Variants in STX18 observed in about 807,000 individuals in gnomAD.
STX18 encodes syntaxin 18.
STX18 carries 40 observed loss-of-function variants against 50.1 expected under a neutral mutation model. The ratio of observed to expected loss-of-function variants is 0.80; its 90% CI spans 0.62 to 1.04. The LOEUF is 1.04. Ranked by LOEUF, STX18 falls within the 50% of genes least tolerant of loss-of-function variation. The pLI is 0.00. For missense variants in STX18, 410 were observed against 415.8 expected (o/e 0.99, Z 0.12); for synonymous variants, 158 against 151.8 (o/e 1.04, Z -0.30).
intron 2 of STX18, among the ~76,000 whole-genome samples, chr4:4,464,843 T>G (rs1327181081): frequency 1.3e-5 from 2 of 152,236 alleles, no homozygotes; most frequent in African/African-American, 4.8e-5. Context: ...ATTAATTTTT[T>G]GCAAAAACCT....
rs771974604 is a variant in STX18 at position 4,541,796 on chromosome 4, C to T, written c.168+1G>A. On this transcript the variant is annotated splice_donor_variant, in intron 1 of 10. Coordinates refer to ENST00000306200, the MANE Select transcript of STX18 (RefSeq NM_016930.4). LOFTEE classifies it high-confidence loss of function. ...CGCCGTTTCCATAGCAACCAGCTCA[C>T]CACTTCGCGGGCCCGGCTGGAGAAG... The T allele has an allele frequency of 6.2e-7, 1 of 1,607,080 alleles. No homozygotes were observed. Among genetic ancestry groups the T allele is most frequent in the Non-Finnish European group, 8.5e-7 (1 of 1,176,632 alleles).
chr4:4,517,094 C>T (rs891642126), intron 1 of STX18, among the ~76,000 whole-genome samples: 5 of 152,162 alleles, frequency 3.3e-5, no homozygotes, highest in African/African-American at 9.7e-5. Context: ...GATTTGGTCA[C>T]GGGAGCTCCC....
chr4:4,427,163 C>G (rs55763851), intron 7 of STX18, among the ~76,000 whole-genome samples: 3 of 152,064 alleles, frequency 2.0e-5, no homozygotes, highest in Non-Finnish European at 4.4e-5. Context: ...GACAGAACAC[C>G]AGTTCTCGGC....
intron 1 of STX18, chr4:4,478,562 T>C (rs1728308986): frequency 6.6e-6 from 1 of 152,236 alleles, no homozygotes; most frequent in Non-Finnish European, 1.5e-5. Flanking sequence ...AGGAAAAGAC[T>C]CTGTGGGGGG....
rs565348876 is a variant in STX18, at chr4:4,444,842, C to T, written c.498-6333G>A. Among the ~76,000 whole-genome samples, 30 of 135,962 alleles carry T rather than the reference C, an allele frequency of 2.2e-4. No homozygotes were observed. The South Asian group carries it at 6.0e-3, about 27-fold the overall frequency. The allele number at this position is 135,962 out of a possible 152,430, so 89.2% of individuals were successfully genotyped here. A position where few individuals can be genotyped will look rare whatever the true frequency, so the allele number is the denominator to read the frequency against. On this transcript the variant is annotated intron_variant, in intron 5 of 10. Transcript: ENST00000306200. The stretch of plus-strand genomic sequence containing the variant: ...ACAAACTAACAAACAAATAAACAAA[C>T]ATGGGTGCGCTGGGTGCAGTGGCTC...
intron 5 of STX18, among the ~76,000 whole-genome samples, chr4:4,440,226 C>T (rs1253766823): frequency 6.6e-6 from 1 of 152,172 alleles, no homozygotes; most frequent in African/African-American, 2.4e-5. Flanking sequence ...AATGTAAATG[C>T]ATATTAGGGT....
intron 2 of STX18, among the ~76,000 whole-genome samples, chr4:4,466,630 A>G (rs1235617172): frequency 1.3e-5 from 2 of 152,166 alleles, no homozygotes; most frequent in African/African-American, 4.8e-5. Flanking sequence ...GGCAGCATGC[A>G]TGGGAATGGT....
intron 1 of STX18, among the ~76,000 whole-genome samples, chr4:4,535,052 G>C (rs1391305219): frequency 6.6e-6 from 1 of 152,188 alleles, no homozygotes; most frequent in Admixed American, 6.5e-5. Context: ...CCCTACTGTT[G>C]TGTGCCACTG....
chr4:4,425,372 A>C (rs781043087), intron 7 of STX18, 150 bp from the exon 8 acceptor site: 15 of 683,564 alleles, frequency 2.2e-5, no homozygotes, highest in Non-Finnish European at 3.4e-5. Context: ...GACCGTTAGC[A>C]TTAGTGTGAA....
At chr4:4,457,938 T>G (rs1171372753) in intron 3 of STX18, among the ~76,000 whole-genome samples, 1 of 152,166 alleles carries the variant, frequency 6.6e-6, no homozygotes, top group African/African-American at 2.4e-5. Flanking sequence ...AAGGGTCCCT[T>G]AGACAATGAG....
chr4:4,444,472 G>C (rs981118274), intron 5 of STX18, among the ~76,000 whole-genome samples: 1 of 152,174 alleles, frequency 6.6e-6, no homozygotes, highest in African/African-American at 2.4e-5. Context: ...CCAAGGCTCA[G>C]GTGAGCTTCC....
rs1470377878 is a variant in STX18 at position 4,419,904 on chromosome 4, G to GA, written c.*129dup. The GA allele has an allele frequency of 2.6e-6, 2 of 759,630 alleles. No individual in the cohort carries two copies. The highest frequency in any genetic ancestry group is 3.5e-5 in the African/African-American group (2 of 57,496). 47.1% of individuals were successfully genotyped at this position (759,630 alleles called of 1,614,324 possible). A position where few individuals can be genotyped will look rare whatever the true frequency, so the allele number is the denominator to read the frequency against. On this transcript the variant is annotated 3_prime_UTR_variant, in exon 11 of 11. Coordinates refer to ENST00000306200, the MANE Select transcript of STX18 (RefSeq NM_016930.4). ...TTTTGGGGAATACGTCTGTCTGTCT[G>GA]AACTCCTTTCCCTTCAAATGGCACT... is the stretch of plus-strand genomic sequence containing the variant.
intron 2 of STX18, among the ~76,000 whole-genome samples, chr4:4,461,311 TGC>T (rs1204954877): frequency 1.3e-5 from 2 of 152,208 alleles, no homozygotes; most frequent in African/African-American, 4.8e-5. Flanking sequence ...ATTGTTTTGT[TGC>T]CAGGATATTG....
At chr4:4,481,201 T>C (rs1056098020) in intron 1 of STX18, among the ~76,000 whole-genome samples, 52 of 152,180 alleles carry the variant, frequency 3.4e-4, no homozygotes, top group African/African-American at 1.2e-3. Flanking sequence ...ATTCTGACTG[T>C]GGGGAGAGTT....
At chr4:4,472,281 A>G (rs1727960334) in intron 1 of STX18, among the ~76,000 whole-genome samples, 1 of 152,246 alleles carries the variant, frequency 6.6e-6, no homozygotes, top group African/African-American at 2.4e-5. Context: ...TGTTTCTAGT[A>G]TAATAAAAAC....
upstream of STX18, chr4:4,542,089 A>C (rs1731639691): frequency 4.9e-6 from 6 of 1,224,650 alleles, no homozygotes; most frequent in East Asian, 1.3e-4. Flanking sequence ...CGGCGACGCG[A>C]GAAGAAAGGT....
intron 1 of STX18, among the ~76,000 whole-genome samples, chr4:4,477,172 G>A (rs1728225269): frequency 6.6e-6 from 1 of 152,202 alleles, no homozygotes; most frequent in Non-Finnish European, 1.5e-5. Context: ...GAACCCTGGA[G>A]GTGGAGGTTG....
At chr4:4,458,764 G>A (rs1302782065) in intron 3 of STX18, among the ~76,000 whole-genome samples, 1 of 142,088 alleles carries the variant, frequency 7.0e-6, no homozygotes, top group Non-Finnish European at 1.5e-5. Flanking sequence ...TTCCCTAATT[G>A]TCTGCATTTC....
At chr4:4,535,412 T>A (rs1371139427) in intron 1 of STX18, among the ~76,000 whole-genome samples, 1 of 152,214 alleles carries the variant, frequency 6.6e-6, no homozygotes, top group Non-Finnish European at 1.5e-5. Context: ...TGAGCTCTCC[T>A]TATAGTACAC....
Sources: gnomAD v4.1 joint callset for allele counts (sites outside exome capture counted in the v4.1 genomes callset) on GRCh38, gnomAD v4.1.1 for gene constraint, MANE v1.5 for transcripts, NCBI Gene and HGNC (gene_info 2026-07-23, HGNC 2026-07-21) for gene names.